Variants in ANGPT4 observed in about 807,000 individuals in gnomAD.
ANGPT4 encodes the protein angiopoietin-4.
Under a neutral mutation model 53.0 loss-of-function variants are expected in ANGPT4, and 50 were observed. That is an observed-to-expected ratio of 0.94 (90% CI 0.75 to 1.20). ANGPT4 has a LOEUF of 1.20. ANGPT4 is among the 50% of genes most tolerant of loss of function. The pLI is 0.00. For missense variants in ANGPT4, 648 were observed against 637.1 expected (o/e 1.02, Z -0.18); for synonymous variants, 251 against 259.7 (o/e 0.97, Z 0.32).
At position 890,194 on chromosome 20, in the gene ANGPT4, C is replaced by T. The variant is rs777249786; in HGVS notation, c.465+19G>A. The T allele has an allele frequency of 6.2e-7, 1 of 1,609,186 alleles. No individual in the cohort carries two copies. The highest frequency in any genetic ancestry group is 1.3e-5 in the African/African-American group (1 of 74,994). The stretch of plus-strand genomic sequence containing the variant: ...GCCAGCCACAGGCCCTCAGTGCCCA[C>T]TCAGTCACCCTCTGTTACCTGAGCC... On this transcript the variant is annotated intron_variant, in intron 2 of 8. Transcript: ENST00000381922.
chr20:880,349 C>T (rs975831080), intron 5 of ANGPT4, among the ~76,000 whole-genome samples: 1 of 152,054 alleles, frequency 6.6e-6, no homozygotes, highest in African/African-American at 2.4e-5. Context: ...AATTTGAGGG[C>T]CGAGGAGGGA....
intron 2 of ANGPT4, among the ~76,000 whole-genome samples, chr20:889,221 T>C (rs985746381): frequency 1.4e-5 from 2 of 147,610 alleles, no homozygotes; most frequent in African/African-American, 5.0e-5. Context: ...CTCTCTTCCA[T>C]GCTATTTTCT....
chr20:884,984 C>T, intron 4 of ANGPT4, 94 bp downstream of exon 4: 6 of 1,535,658 alleles, frequency 3.9e-6, no homozygotes, highest in Non-Finnish European at 5.3e-6. Flanking sequence ...CGCAATGGCT[C>T]CCAGGCGCCC....
At chr20:892,478 C>T (rs963124718) in intron 1 of ANGPT4, among the ~76,000 whole-genome samples, 2 of 151,662 alleles carry the variant, frequency 1.3e-5, no homozygotes, top group Admixed American at 6.6e-5. Context: ...AGCCTGTGGT[C>T]TTAGCTACCC....
At chr20:878,605 T>A (rs1981266773) in intron 6 of ANGPT4, among the ~76,000 whole-genome samples, 1 of 152,208 alleles carries the variant, frequency 6.6e-6, no homozygotes, top group Non-Finnish European at 1.5e-5. Context: ...ATTTGGTGAC[T>A]ACCTTTGGTG....
At position 870,209 on chromosome 20, in the gene ANGPT4, T is replaced by C. The variant is rs1386987003; in HGVS notation, c.*2751A>G. Reference sequence around the variant, plus strand: ...TCCTGGCATGGAAGAGGAAGGAAGGTAAGAAAGAAGGATGAATATTTAAGA... The same window carrying C: ...TCCTGGCATGGAAGAGGAAGGAAGGCAAGAAAGAAGGATGAATATTTAAGA... On this transcript the variant is annotated 3_prime_UTR_variant, in exon 9 of 9. Coordinates refer to ENST00000381922, the MANE Select transcript of ANGPT4 (RefSeq NM_015985.4). The C allele has an allele frequency of 6.6e-6, 1 of 152,144 alleles. No homozygotes were observed. Among genetic ancestry groups the C allele is most frequent in the Non-Finnish European group, 1.5e-5 (1 of 68,060 alleles). 9.4% of individuals were successfully genotyped at this position (152,144 alleles called of 1,614,324 possible).
intron 7 of ANGPT4, 38 bp from the exon 8 acceptor site, chr20:874,452 C>T (rs1238425552): frequency 1.2e-6 from 2 of 1,611,124 alleles, no homozygotes; most frequent in East Asian, 2.2e-5. Context: ...CAGAAGGGCC[C>T]AGAGTCAGGT....
At chr20:892,836 C>A (rs1484579823) in intron 1 of ANGPT4, among the ~76,000 whole-genome samples, 2 of 152,292 alleles carry the variant, frequency 1.3e-5, no homozygotes, top group African/African-American at 2.4e-5. Flanking sequence ...GCAGTTCCCC[C>A]CTTCGCTCTT....
chr20:880,506 C>G (rs1293367999), intron 5 of ANGPT4, among the ~76,000 whole-genome samples: 1 of 151,676 alleles, frequency 6.6e-6, no homozygotes, highest in African/African-American at 2.4e-5. Flanking sequence ...GAGGATCACT[C>G]GAGCCCAGGA....
rs1317672169 is a variant in ANGPT4, at chr20:874,342, G to T, written c.1293C>A (p.Ser431Arg). The change falls in exon 8 of 9, where the codon AGC becomes AGA. Residue 431 changes from serine (S) to arginine (R), a missense_variant. Coordinates refer to ENST00000381922, the MANE Select transcript of ANGPT4 (RefSeq NM_015985.4). ...AGTGGTCGTTGTCTGAGTCAAGGGT[G>T]CTAAAGCTGGTGTTCTGCAGGACCA... ...SSLVLQNTSFSTLDSDNDHCL... is the reference protein window; with the variant it reads ...SSLVLQNTSFRTLDSDNDHCL... 2 of 1,614,220 alleles carry T rather than the reference G, an allele frequency of 1.2e-6. No homozygotes were observed. The highest frequency in any genetic ancestry group is 4.5e-5 in the East Asian group (2 of 44,886).
chr20:879,665 G>A, intron 6 of ANGPT4, 82 bp downstream of exon 6: 3 of 1,196,602 alleles, frequency 2.5e-6, no homozygotes, highest in Non-Finnish European at 3.5e-6. Flanking sequence ...AGGAATGAGG[G>A]CAAAGCAGTC....
chr20:899,401 C>A (rs1372310788), intron 1 of ANGPT4, among the ~76,000 whole-genome samples: 3 of 152,068 alleles, frequency 2.0e-5, no homozygotes, highest in Non-Finnish European at 2.9e-5. Context: ...GTGCCTGCCA[C>A]CACGCCTAGC....
chr20:885,273 C>T lies in ANGPT4; in HGVS notation c.640G>A (p.Ala214Thr). 1 of 1,582,100 alleles carries T rather than the reference C, an allele frequency of 6.3e-7. No individual in the cohort carries two copies. Among genetic ancestry groups the T allele is most frequent in the Non-Finnish European group, 8.6e-7 (1 of 1,165,380 alleles). The change falls in exon 4 of 9, where the codon GCC becomes ACC. Residue 214 changes from alanine (A) to threonine (T), a missense_variant. Physicochemically the swap from Ala to Thr is moderately conservative, Grantham distance 58. Transcript: ENST00000381922. ...ALETKQQEEL[A>T]SILSKKAKLL... Reference sequence around the variant, plus strand: ...TTCGCCTTCTTGCTGAGGATGCTGGCCAGCTCCTCCTGCTGCTTGGTCTCC... The same window carrying T: ...TTCGCCTTCTTGCTGAGGATGCTGGTCAGCTCCTCCTGCTGCTTGGTCTCC...
chr20:911,824 G>A lies in ANGPT4; in HGVS notation c.309+4082C>T, dbSNP rs957868827. ...AGTCAGACCTTGTCTTTAGGAGAGA[G>A]ACAGAGAGAGGGAGAGAGGGACAGA... On this transcript the variant is annotated intron_variant, in intron 1 of 8. Coordinates refer to ENST00000381922, the MANE Select transcript of ANGPT4 (RefSeq NM_015985.4). This position sits in a 1 kb window ranked among gnomAD's most constrained non-coding sequence, Gnocchi z 4.9. 6.6e-6 allele frequency among the ~76,000 whole-genome samples: 1 copy of A among 151,424 alleles called. No individual in the cohort carries two copies. The highest frequency in any genetic ancestry group is 6.6e-5 in the Admixed American group (1 of 15,198).
chr20:896,127 G>A (rs1303576297), intron 1 of ANGPT4, among the ~76,000 whole-genome samples: 1 of 152,148 alleles, frequency 6.6e-6, no homozygotes, highest in African/African-American at 2.4e-5. Context: ...ACATTAAATA[G>A]ATCTCCTCCA....
rs1387073359 is a variant in ANGPT4 at position 885,237 on chromosome 20, T to C, written c.676A>G (p.Thr226Ala). 6.3e-7 allele frequency: 1 copy of C among 1,585,680 alleles called. No individual in the cohort carries two copies. The highest frequency in any genetic ancestry group is 8.6e-7 in the Non-Finnish European group (1 of 1,165,864). ...ILSKKAKLLN[T>A]LSRQSAALTN... ...AGGGCGGCGCTCTGGCGGCTCAGCG[T>C]GTTCAGCAGCTTCGCCTTCTTGCTG... The change falls in exon 4 of 9, where the codon ACG becomes GCG. Residue 226 changes from threonine (T) to alanine (A), a missense_variant. Transcript: ENST00000381922.
intron 3 of ANGPT4, 95 bp from the exon 4 acceptor site, chr20:885,420 C>G (rs1269794797): frequency 1.4e-6 from 2 of 1,425,106 alleles, no homozygotes; most frequent in East Asian, 2.5e-5. Context: ...TGCAGCCCGA[C>G]GATGAGACTC....
At chr20:885,477 G>A in intron 3 of ANGPT4, 152 bp from the exon 4 acceptor site, 1 of 1,203,168 alleles carries the variant, frequency 8.3e-7, no homozygotes, top group East Asian at 2.7e-5. Context: ...AGATTGAGGA[G>A]GGGAGAAAAG....
At chr20:913,946 T>A (rs766744129) in intron 1 of ANGPT4, among the ~76,000 whole-genome samples, 2 of 152,004 alleles carry the variant, frequency 1.3e-5, no homozygotes, top group Non-Finnish European at 2.9e-5. Flanking sequence ...GCTTTGGAGT[T>A]GAGACACCCA....
Sources: allele counts gnomAD v4.1 joint callset (sites outside exome capture counted in the v4.1 genomes callset), GRCh38; gene constraint gnomAD v4.1.1; non-coding constraint Gnocchi (gnomAD v3.1); transcripts MANE v1.5; gene names NCBI Gene and HGNC (gene_info 2026-07-23, HGNC 2026-07-21).